GNPTAB: variants seen among roughly 807,000 people sequenced by gnomAD.
GNPTAB encodes the protein N-acetylglucosamine-1-phosphate transferase subunits alpha and beta.
GNPTAB carries 92 observed loss-of-function variants against 136.6 expected under a neutral mutation model. The ratio of observed to expected loss-of-function variants is 0.67; its 90% CI spans 0.57 to 0.80. The LOEUF (loss-of-function observed/expected upper bound fraction) is 0.80, where lower values mean the gene tolerates loss of function less well. GNPTAB is among the 30% of genes least tolerant of loss of function. The pLI is 0.00. For missense variants in GNPTAB, 1,343 were observed against 1,501.8 expected (o/e 0.89, Z 1.75); for synonymous variants, 512 against 535.1 (o/e 0.96, Z 0.60).
chr12:101,750,995 C>T (rs777740693), intron 19 of GNPTAB, among the ~76,000 whole-genome samples: 21 of 152,118 alleles, frequency 1.4e-4, no homozygotes, highest in Non-Finnish European at 2.8e-4. Context: ...GGCAACCCTG[C>T]CCCACTCTAA....
intron 1 of GNPTAB, among the ~76,000 whole-genome samples, chr12:101,804,362 C>T (rs899730116): frequency 1.6e-4 from 25 of 151,526 alleles, no homozygotes; most frequent in African/African-American, 4.1e-4. Flanking sequence ...AAAGAACCAA[C>T]GAACTACCAA....
At chr12:101,823,786 T>G (rs1410692326) in intron 1 of GNPTAB, among the ~76,000 whole-genome samples, 1 of 152,208 alleles carries the variant, frequency 6.6e-6, no homozygotes, top group Non-Finnish European at 1.5e-5. Context: ...ACGGCACACT[T>G]GAGCTGTGTT....
chr12:101,753,446 G>C lies in GNPTAB; in HGVS notation c.3528C>G (p.Phe1176Leu), dbSNP rs369510134. Residue 1176 changes from phenylalanine (F) to leucine (L), a missense_variant, in exon 19 of 21, where the codon TTC becomes TTG. Transcript: ENST00000299314. ...GCAGTTCAAATTGGGAAGGTATGGG[G>C]AACATGGATTCATAGAAGTCCCTGA... ...AVLRDFYESM[F>L]PIPSQFELPR... 1 of 1,613,590 alleles carries C rather than the reference G, an allele frequency of 6.2e-7. No individual in the cohort carries two copies. The highest frequency in any genetic ancestry group is 1.1e-5 in the South Asian group (1 of 91,058).
Position 101,764,364 on chromosome 12 carries a change from T to G in GNPTAB, c.2553A>C (p.Lys851Asn). 1 of 1,614,062 alleles carries G rather than the reference T, an allele frequency of 6.2e-7. No individual in the cohort carries two copies. Among genetic ancestry groups the G allele is most frequent in the South Asian group, 1.1e-5 (1 of 91,068 alleles). Reference sequence around the variant, plus strand: ...TGTTCTCTTTTTCTTTCCCTGTGATTTTCTTTTCTTTTGTCATCTGGCTTT... The same window carrying G: ...TGTTCTCTTTTTCTTTCCCTGTGATGTTCTTTTCTTTTGTCATCTGGCTTT... ...PLESQMTKEKKITGKEKENSR... is the reference protein window; with the variant it reads ...PLESQMTKEKNITGKEKENSR... The change falls in exon 13 of 21, where the codon AAA (lysine) becomes AAC (asparagine). Residue 851 changes from lysine (K) to asparagine (N), a missense_variant. By Grantham distance (94) the Lys-to-Asn change is moderately conservative (BLOSUM62 0). Coordinates refer to ENST00000299314, the MANE Select transcript of GNPTAB (RefSeq NM_024312.5).
intron 7 of GNPTAB, among the ~76,000 whole-genome samples, chr12:101,775,847 A>T (rs1953255734): frequency 6.6e-6 from 1 of 152,204 alleles, no homozygotes; most frequent in Non-Finnish European, 1.5e-5. Context: ...AAATTATGAC[A>T]ATTTACTGTG....
chr12:101,830,525 G>A, intron 1 of GNPTAB, 34 bp downstream of exon 1: 3 of 1,309,778 alleles, frequency 2.3e-6, no homozygotes, highest in South Asian at 2.4e-5. Context: ...GCAGGGTCGA[G>A]GCGCCCGGTC....
At chr12:101,780,677 G>T in intron 5 of GNPTAB, 56 bp from the exon 6 acceptor site, 1 of 1,100,014 alleles carries the variant, frequency 9.1e-7, no homozygotes, top group Non-Finnish European at 1.4e-6. Flanking sequence ...CAACTATGGT[G>T]TCTGGCAGAA....
chr12:101,749,780 G>A (rs1232379858), intron 19 of GNPTAB, among the ~76,000 whole-genome samples: 2 of 152,242 alleles, frequency 1.3e-5, no homozygotes, highest in African/African-American at 4.8e-5. Flanking sequence ...GTGGCACGGT[G>A]GCCAGCTGGG....
chr12:101,777,718 T>C (rs563148025), intron 7 of GNPTAB, among the ~76,000 whole-genome samples: 31 of 152,328 alleles, frequency 2.0e-4, no homozygotes, highest in African/African-American at 7.5e-4. Context: ...AACGCAGTGA[T>C]AGGAAACTTC....
intron 1 of GNPTAB, chr12:101,810,674 G>C (rs1870182582): frequency 6.6e-6 from 1 of 151,408 alleles, no homozygotes; most frequent in South Asian, 2.1e-4. Flanking sequence ...TTTTAAAGGA[G>C]AGAGGTAAGA....
intron 2 of GNPTAB, chr12:101,796,085 A>G: frequency 1.7e-6 from 1 of 600,492 alleles, no homozygotes; most frequent in Non-Finnish European, 3.0e-6. Flanking sequence ...CCTCCCTCAT[A>G]GGTAAGCAGC....
At chr12:101,754,724 T>C (rs1952875907) in intron 18 of GNPTAB, among the ~76,000 whole-genome samples, 1 of 141,792 alleles carries the variant, frequency 7.1e-6, no homozygotes, top group South Asian at 2.3e-4. Context: ...ACTTTTGAAG[T>C]AGATTCGCCA....
intron 16 of GNPTAB, among the ~76,000 whole-genome samples, chr12:101,759,805 A>C (rs759019089): frequency 6.6e-6 from 1 of 152,254 alleles, no homozygotes; most frequent in Non-Finnish European, 1.5e-5. Context: ...ACATCCGCTT[A>C]TGGAATATAA....
chr12:101,767,948 T>C, intron 11 of GNPTAB, 89 bp downstream of exon 11: 1 of 1,352,748 alleles, frequency 7.4e-7, no homozygotes, highest in South Asian at 1.2e-5. Flanking sequence ...ATAAAGAATG[T>C]TTGGTTAAGT....
chr12:101,803,123 C>A (rs1486772506), intron 1 of GNPTAB, among the ~76,000 whole-genome samples: 1 of 152,100 alleles, frequency 6.6e-6, no homozygotes, highest in Non-Finnish European at 1.5e-5. Context: ...GGCACTTTAA[C>A]ATGCCAAGAG....
chr12:101,802,334 G>A (rs891959778), intron 1 of GNPTAB, among the ~76,000 whole-genome samples: 2 of 152,048 alleles, frequency 1.3e-5, no homozygotes, highest in African/African-American at 2.4e-5. Flanking sequence ...GCTGAACTTC[G>A]TGCCATTGCC....
chr12:101,795,998 G>A (rs968775794), intron 2 of GNPTAB: 8 of 426,984 alleles, frequency 1.9e-5, no homozygotes, highest in East Asian at 7.2e-5. Context: ...TGAAGACTGC[G>A]TTCCAGAATG....
At chr12:101,816,760 C>T (rs1460641781) in intron 1 of GNPTAB, among the ~76,000 whole-genome samples, 1 of 152,230 alleles carries the variant, frequency 6.6e-6, no homozygotes, top group African/African-American at 2.4e-5. Context: ...TTTATTTCAG[C>T]ACTATTCACA....
At chr12:101,775,681 G>A (rs1003459707) in intron 7 of GNPTAB, among the ~76,000 whole-genome samples, 4 of 151,658 alleles carry the variant, frequency 2.6e-5, no homozygotes, top group African/African-American at 9.7e-5. Flanking sequence ...ATCTTAATAC[G>A]TCCTGGTGGT....
Sources: allele counts gnomAD v4.1 joint callset (sites outside exome capture counted in the v4.1 genomes callset), GRCh38; gene constraint gnomAD v4.1.1; transcripts MANE v1.5; gene names NCBI Gene and HGNC (gene_info 2026-07-23, HGNC 2026-07-21).